The following ITCH variants were observed in gnomAD, a reference collection of about 807,000 sequenced individuals.
The protein encoded by ITCH is E3 ubiquitin-protein ligase Itchy homolog.
In ITCH, 28 loss-of-function variants were observed where a neutral mutation model predicts 126.8. The observed-to-expected ratio is 0.22, with a 90% CI of 0.16 to 0.30. The LOEUF is 0.30. ITCH is among the 10% of genes least tolerant of loss of function. The pLI is 1.00. For synonymous variants in ITCH, 342 were observed against 340.0 expected, an observed-to-expected ratio of 1.01 and a Z score of -0.06; for missense variants, 631 against 1,032.4, an observed-to-expected ratio of 0.61 and a Z score of 5.33.
intron 6 of ITCH, among the ~76,000 whole-genome samples, chr20:34,420,920 A>C (rs969196872): frequency 6.6e-6 from 1 of 151,848 alleles, no homozygotes; most frequent in East Asian, 1.9e-4. Flanking sequence ...GAACGCTTCA[A>C]CTCCTTTCCT....
At chr20:34,464,883 GT>G (rs1375165891) in intron 14 of ITCH, among the ~76,000 whole-genome samples, 1 of 151,616 alleles carries the variant, frequency 6.6e-6, no homozygotes, top group East Asian at 1.9e-4. Context: ...GCTAATTTTC[GT>G]ATTTTTAGTA....
intron 10 of ITCH, among the ~76,000 whole-genome samples, chr20:34,445,050 T>A (rs976711278): frequency 1.8e-4 from 27 of 152,224 alleles, no homozygotes; most frequent in Admixed American, 1.4e-3. Flanking sequence ...ACTTAATGAC[T>A]GTTTGAGACT....
chr20:34,507,635 C>T (rs1569017122), intron 24 of ITCH, 60 bp from the exon 25 acceptor site: 1 of 1,232,092 alleles, frequency 8.1e-7, no homozygotes, highest in Non-Finnish European at 1.2e-6. Flanking sequence ...TAGTATACTA[C>T]ACTACTCATT....
chr20:34,448,044 A>C (rs536236266), intron 11 of ITCH, among the ~76,000 whole-genome samples: 1 of 152,354 alleles, frequency 6.6e-6, no homozygotes, highest in African/African-American at 2.4e-5. Context: ...GTATTGGATG[A>C]TAAAATTAAC....
intron 12 of ITCH, among the ~76,000 whole-genome samples, chr20:34,453,652 A>T (rs752181499): frequency 6.6e-6 from 1 of 152,314 alleles, no homozygotes. Context: ...TACTTAGGGT[A>T]TTATTTTTAG....
chr20:34,470,144 G>C, intron 15 of ITCH, 24 bp downstream of exon 15: 2 of 1,559,732 alleles, frequency 1.3e-6, no homozygotes, highest in Non-Finnish European at 1.8e-6. Flanking sequence ...CTGTATCTCT[G>C]TACTGCCTTA....
At chr20:34,402,128 A>G (rs1399591605) in intron 3 of ITCH, 5 of 944,872 alleles carry the variant, frequency 5.3e-6, no homozygotes, top group African/African-American at 3.3e-5. Flanking sequence ...CTATGCAGAA[A>G]GGGCTCTGGA....
chr20:34,506,157 G>A (rs1397624846), intron 24 of ITCH, among the ~76,000 whole-genome samples: 4 of 152,028 alleles, frequency 2.6e-5, no homozygotes, highest in South Asian at 2.1e-4. Context: ...TCCACCTCCC[G>A]GGCTCAAACT....
intron 20 of ITCH, 76 bp downstream of exon 20, chr20:34,481,282 A>C (rs1600460605): frequency 1.4e-5 from 19 of 1,386,502 alleles, no homozygotes; most frequent in Admixed American, 1.7e-5. Flanking sequence ...ATACTAATGG[A>C]GAGTATCTCC....
At position 34,489,315 on chromosome 20, in the gene ITCH, G is replaced by A; in HGVS notation, c.2143G>A (p.Ala715Thr). 1 of 1,613,170 alleles carries A rather than the reference G, an allele frequency of 6.2e-7. No homozygotes were observed. The highest frequency in any genetic ancestry group is 8.5e-7 in the Non-Finnish European group (1 of 1,179,284). ...TCGAGGTGTTGAAGAACAGACACAA[G>A]CTTTCTTTGAAGGCTTTAATGAAAT... The part of the protein sequence containing the change: ...LSRGVEEQTQ[A>T]FFEGFNEILP... The change falls in exon 21 of 25, where the codon GCT becomes ACT. Residue 715 changes from alanine to threonine, a missense_variant. Physicochemically the swap from Ala to Thr is moderately conservative, Grantham distance 58. Around this residue, in one of 4 missense-constraint regions of ITCH, gnomAD observed 390 missense variants for 731.6 expected, o/e 0.53. Coordinates refer to ENST00000374864, the MANE Select transcript of ITCH (RefSeq NM_031483.7).
intron 16 of ITCH, chr20:34,476,780 G>T (rs1988270966): frequency 5.9e-6 from 1 of 170,214 alleles, no homozygotes; most frequent in African/African-American, 2.4e-5. Context: ...TAAAGTATAG[G>T]CATTATATCA....
chr20:34,466,461 A>G (rs1424866558), intron 14 of ITCH: 1 of 486,636 alleles, frequency 2.1e-6, no homozygotes, highest in Non-Finnish European at 4.0e-6. Flanking sequence ...CAACTTTTAT[A>G]TTTAAAGCAG....
intron 20 of ITCH, among the ~76,000 whole-genome samples, chr20:34,487,900 T>C (rs896679227): frequency 6.6e-6 from 1 of 152,216 alleles, no homozygotes; most frequent in Non-Finnish European, 1.5e-5. Flanking sequence ...GATCACGCCA[T>C]TGCGCTTCAG....
intron 7 of ITCH, among the ~76,000 whole-genome samples, chr20:34,435,133 A>G (rs1455572202): frequency 1.3e-5 from 2 of 151,188 alleles, no homozygotes; most frequent in Non-Finnish European, 2.9e-5. Flanking sequence ...CCTAGCTCCC[A>G]GGAGTCTTGA....
intron 3 of ITCH, among the ~76,000 whole-genome samples, chr20:34,403,150 A>AT (rs988816030): frequency 2.0e-5 from 3 of 152,086 alleles, no homozygotes; most frequent in African/African-American, 7.2e-5. Context: ...TACCTGGTTC[A>AT]TTATTCTGCT....
At chr20:34,487,813 C>T (rs868557688) in intron 20 of ITCH, among the ~76,000 whole-genome samples, 1 of 152,146 alleles carries the variant, frequency 6.6e-6, no homozygotes, top group Non-Finnish European at 1.5e-5. Context: ...GTGGCAGGCA[C>T]CTGTAATCCC....
chr20:34,431,297 C>CA (rs1415393315), intron 7 of ITCH, among the ~76,000 whole-genome samples: 17 of 152,064 alleles, frequency 1.1e-4, no homozygotes, highest in South Asian at 1.0e-3. Flanking sequence ...CCTGTAGTCC[C>CA]AGCTACTCAG....
chr20:34,378,471 CAAAAAA>C (rs35400213), intron 2 of ITCH, among the ~76,000 whole-genome samples: 5 of 48,682 alleles, frequency 1.0e-4, no homozygotes, highest in African/African-American at 4.2e-4. Context: ...AACTCTGTCT[CAAAAAA>C]AAAAAAAAAA....
At chr20:34,385,785 G>T (rs2038261965) in intron 2 of ITCH, among the ~76,000 whole-genome samples, 1 of 152,062 alleles carries the variant, frequency 6.6e-6, no homozygotes, top group Non-Finnish European at 1.5e-5. Context: ...GATGTATTTG[G>T]TTGGAAAGTG....
Sources: gnomAD v4.1 joint callset for allele counts (sites outside exome capture counted in the v4.1 genomes callset) on GRCh38, gnomAD v4.1.1 for gene constraint, gnomAD v4.1.1 regional missense constraint, MANE v1.5 for transcripts, NCBI Gene and HGNC (gene_info 2026-07-23, HGNC 2026-07-21) for gene names.